DOCK8: variants seen among roughly 807,000 people sequenced by gnomAD.
DOCK8 encodes dedicator of cytokinesis protein 8.
DOCK8 carries 141 observed loss-of-function variants against 245.6 expected under a neutral mutation model. That is an observed-to-expected ratio of 0.57 (90% CI 0.50 to 0.66). The LOEUF (loss-of-function observed/expected upper bound fraction) is 0.66, where lower values mean the gene tolerates loss of function less well. DOCK8 is among the 30% of genes least tolerant of loss of function. DOCK8 has a pLI of 0.00. For missense variants in DOCK8, 2,965 were observed against 2,603.4 expected (o/e 1.14, Z -3.02); for synonymous variants, 1,168 against 970.2 (o/e 1.20, Z -3.79).
At chr9:369,382 G>A (rs987198765) in intron 15 of DOCK8, 2 of 152,278 alleles carry the variant, frequency 1.3e-5, no homozygotes, top group Admixed American at 1.3e-4. Flanking sequence ...TTCATTCACT[G>A]AGCCATGGGT....
chr9:350,079 G>A (rs2052083083), intron 14 of DOCK8, among the ~76,000 whole-genome samples: 1 of 151,910 alleles, frequency 6.6e-6, no homozygotes, highest in Non-Finnish European at 1.5e-5. Flanking sequence ...TCGGCTCATC[G>A]CAAACTTGGA....
At chr9:380,118 C>T (rs578083936) in intron 21 of DOCK8, among the ~76,000 whole-genome samples, 183 bp downstream of exon 21, 186 of 112,640 alleles carry the variant, frequency 1.7e-3, no homozygotes, top group African/African-American at 6.6e-3. Flanking sequence ...GCAACCCCAG[C>T]ACTCTAGGAG....
At chr9:390,080 CTG>C (rs571720744) in intron 23 of DOCK8, among the ~76,000 whole-genome samples, 53 of 151,848 alleles carry the variant, frequency 3.5e-4, no homozygotes, top group African/African-American at 1.3e-3. Flanking sequence ...GATGAGAAAA[CTG>C]AGGGTGAAGA....
chr9:365,801 G>T, intron 14 of DOCK8: 1 of 379,014 alleles, frequency 2.6e-6, no homozygotes, highest in South Asian at 2.0e-5. Flanking sequence ...TTGATTGGTG[G>T]CAGTGGAGAT....
intron 46 of DOCK8, chr9:458,330 A>G (rs1040703827): frequency 1.3e-5 from 2 of 152,158 alleles, no homozygotes; most frequent in East Asian, 3.9e-4. Context: ...AGATGTGCCC[A>G]TTTCCCAGTG....
At chr9:448,790 AAAG>A (rs1008493801) in intron 44 of DOCK8, among the ~76,000 whole-genome samples, 5 of 152,214 alleles carry the variant, frequency 3.3e-5, no homozygotes, top group African/African-American at 1.2e-4. Context: ...CCCTATCTCC[AAAG>A]AAGGTCACAT....
At chr9:311,327 A>G (rs2050102729) in intron 5 of DOCK8, among the ~76,000 whole-genome samples, 1 of 149,146 alleles carries the variant, frequency 6.7e-6, no homozygotes, top group Admixed American at 6.7e-5. Context: ...GCAGCCTTGA[A>G]CTCCTGGGCG....
chr9:214,117 G>T, upstream of DOCK8: 1 of 243,888 alleles, frequency 4.1e-6, no homozygotes, highest in Non-Finnish European at 8.0e-6. Context: ...GCAGCACGCC[G>T]GCACCTTGAA....
intron 1 of DOCK8, among the ~76,000 whole-genome samples, chr9:239,095 T>G (rs1378238582): frequency 1.3e-5 from 2 of 152,234 alleles, no homozygotes; most frequent in East Asian, 3.8e-4. Context: ...AGGAATTGAT[T>G]TATTTTCTCA....
At chr9:347,290 G>T (rs1468344540) in intron 14 of DOCK8, among the ~76,000 whole-genome samples, 1 of 152,098 alleles carries the variant, frequency 6.6e-6, no homozygotes, top group Non-Finnish European at 1.5e-5. Context: ...GATCCATTGA[G>T]CCCAGGAGTT....
intron 5 of DOCK8, among the ~76,000 whole-genome samples, chr9:305,182 G>C (rs994063636): frequency 3.3e-5 from 5 of 152,104 alleles, no homozygotes; most frequent in Non-Finnish European, 7.4e-5. Context: ...GGTTATTTGA[G>C]TATTAAATGA....
chr9:396,301 C>T (rs1199122303), intron 24 of DOCK8, among the ~76,000 whole-genome samples: 1 of 152,172 alleles, frequency 6.6e-6, no homozygotes, highest in Non-Finnish European at 1.5e-5. Context: ...TCGAGAAACA[C>T]TGAAACTCAA....
At chr9:425,165 A>G (rs1346551430) in intron 33 of DOCK8, among the ~76,000 whole-genome samples, 1 of 152,190 alleles carries the variant, frequency 6.6e-6, no homozygotes, top group Non-Finnish European at 1.5e-5. Flanking sequence ...AAAATGACAT[A>G]TGTGGCCCCC....
At position 443,510 on chromosome 9, in the gene DOCK8, T is replaced by A; in HGVS notation, c.5574T>A (p.Pro1858=). ...CTGTGGACAAAACCAAGTTGGATCC[T>A]AACAAGGTATACAAAAATTTACAAA... ...STPVDKTKLD[P]NKAYIQITFV... The change falls in exon 43 of 48, where the codon CCT becomes CCA. Residue 1858 remains proline, a synonymous_variant. Coordinates refer to ENST00000432829, the MANE Select transcript of DOCK8 (RefSeq NM_203447.4). The A allele has an allele frequency of 6.2e-7, 1 of 1,613,608 alleles. No individual in the cohort carries two copies. Among genetic ancestry groups the A allele is most frequent in the Non-Finnish European group, 8.5e-7 (1 of 1,179,620 alleles).
chr9:424,243 C>T (rs543582218), intron 33 of DOCK8, among the ~76,000 whole-genome samples: 2 of 151,932 alleles, frequency 1.3e-5, no homozygotes, highest in East Asian at 1.9e-4. Context: ...TTAGAATCAC[C>T]TGGGGAGCTT....
chr9:406,523 G>A (rs1403766264), intron 27 of DOCK8, among the ~76,000 whole-genome samples: 1 of 150,358 alleles, frequency 6.7e-6, no homozygotes, highest in Non-Finnish European at 1.5e-5. Context: ...AGGTACCTGA[G>A]TAAGCAGGGC....
intron 2 of DOCK8, among the ~76,000 whole-genome samples, chr9:284,040 T>C (rs1407972242): frequency 1.3e-5 from 2 of 152,188 alleles, no homozygotes; most frequent in Non-Finnish European, 2.9e-5. Context: ...AATTATTACT[T>C]AAATGGGTAT....
Position 339,044 on chromosome 9 carries a change from T to C in DOCK8, c.1461T>C (p.Phe487=), listed in dbSNP as rs1341893176. The C allele has an allele frequency of 1.9e-6, 3 of 1,614,048 alleles. No homozygotes were observed. The highest frequency in any genetic ancestry group is 2.5e-6 in the Non-Finnish European group (3 of 1,180,034). The change falls in exon 13 of 48, where the codon TTT becomes TTC. Residue 487 remains phenylalanine (F), a synonymous_variant. Coordinates refer to ENST00000432829, the MANE Select transcript of DOCK8 (RefSeq NM_203447.4). ...DRLSDEDLFK[F]LADYKRSSSL... is the part of the protein sequence containing the mutation. Reference sequence around the variant, plus strand: ...TTAGCGATGAAGACTTATTCAAGTTTTTAGCTGACTACAAAAGATCATCAT... The same window carrying C: ...TTAGCGATGAAGACTTATTCAAGTTCTTAGCTGACTACAAAAGATCATCAT...
Position 396,862 on chromosome 9 carries a change from C to G in DOCK8, c.3048C>G (p.Phe1016Leu), listed in dbSNP as rs767027949. 1.9e-6 allele frequency: 3 copies of G among 1,613,990 alleles called. No individual in the cohort carries two copies. The highest frequency in any genetic ancestry group is 2.5e-6 in the Non-Finnish European group (3 of 1,180,022). Residue 1016 changes from phenylalanine (F) to leucine (L), a missense_variant, in exon 25 of 48, where the codon TTC becomes TTG. By Grantham distance (22) the Phe-to-Leu change is conservative. This residue lies in a region of DOCK8 where 2,825 missense variants were observed against 2,453.5 expected (regional missense o/e 1.15). Coordinates refer to ENST00000432829, the MANE Select transcript of DOCK8 (RefSeq NM_203447.4). ...SFRRTRFSDR[F>L]MDDITTIVNV... ...GGAGGACTCGTTTTTCTGACCGTTT[C>G]ATGGATGACATAACTACTATTGTTA...
Sources: gnomAD v4.1 joint callset for allele counts (sites outside exome capture counted in the v4.1 genomes callset) on GRCh38, gnomAD v4.1.1 for gene constraint, gnomAD v4.1.1 regional missense constraint, MANE v1.5 for transcripts, NCBI Gene and HGNC (gene_info 2026-07-23, HGNC 2026-07-21) for gene names.